CDH13: variants seen among roughly 807,000 people sequenced by gnomAD.
CDH13 encodes cadherin-13.
A neutral mutation model predicts 63.8 loss-of-function variants in CDH13; 24 were observed. The observed-to-expected ratio is 0.38, with a 90% CI of 0.27 to 0.53. The LOEUF is 0.53. Ranked by LOEUF, CDH13 falls within the 20% of genes least tolerant of loss-of-function variation. The probability of loss-of-function intolerance (pLI) is 0.85; values close to 1 mark genes in which losing one functional copy is unlikely to be tolerated. For synonymous variants in CDH13, 503 were observed against 355.3 expected, an observed-to-expected ratio of 1.42 and a Z score of -4.67; for missense variants, 1,049 against 903.1, an observed-to-expected ratio of 1.16 and a Z score of -2.07.
At chr16:82,744,515 C>G (rs767593011) in intron 1 of CDH13, among the ~76,000 whole-genome samples, 6 of 152,134 alleles carry the variant, frequency 3.9e-5, no homozygotes, top group African/African-American at 7.2e-5. Flanking sequence ...TTACTTCTCT[C>G]TTTTCCAGGC....
chr16:82,682,256 G>A (rs1914628098), intron 1 of CDH13, among the ~76,000 whole-genome samples: 1 of 152,082 alleles, frequency 6.6e-6, no homozygotes, highest in Non-Finnish European at 1.5e-5. Context: ...AGATTCCCAG[G>A]CCCCACCCAT....
chr16:83,579,411 C>G (rs765406635), intron 7 of CDH13, among the ~76,000 whole-genome samples: 2 of 152,094 alleles, frequency 1.3e-5, no homozygotes, highest in Admixed American at 6.5e-5. Context: ...CCTCAGGAAA[C>G]TTACAATTAT....
intron 4 of CDH13, among the ~76,000 whole-genome samples, chr16:83,141,912 G>T (rs1327017531): frequency 1.3e-5 from 2 of 152,064 alleles, no homozygotes; most frequent in Non-Finnish European, 2.9e-5. Context: ...AGCTCAACTA[G>T]CAACTCCCCC....
chr16:82,643,071 C>T (rs189545104), intron 1 of CDH13, among the ~76,000 whole-genome samples: 63 of 152,308 alleles, frequency 4.1e-4, no homozygotes, highest in Middle Eastern at 3.4e-3. Flanking sequence ...TGGGGAGTTA[C>T]TGCTAATGGG....
At chr16:82,666,171 C>T (rs1001695791) in intron 1 of CDH13, among the ~76,000 whole-genome samples, 1 of 152,100 alleles carries the variant, frequency 6.6e-6, no homozygotes, top group Non-Finnish European at 1.5e-5. Flanking sequence ...GCTGGGGAAC[C>T]TGTTCAGGGA....
In CDH13 at chr16:82,693,164, G is replaced by C. The variant is rs57037298; in HGVS notation, c.45+66027G>C. 1.6e-4 allele frequency among the ~76,000 whole-genome samples: 25 copies of C among 152,310 alleles called. No individual in the cohort carries two copies. In the East Asian group the frequency reaches 4.6e-3, roughly 28 times the overall value. ...CCAGTTATCATGCCATGGACTTTGA[G>C]ATGAGACCCCAGACCTGGATGATCC... On this transcript the variant is annotated intron_variant, in intron 1 of 13. Coordinates refer to ENST00000567109, the MANE Select transcript of CDH13 (RefSeq NM_001257.5).
chr16:82,896,539 G>T (rs1249027819), intron 2 of CDH13, among the ~76,000 whole-genome samples: 1 of 151,542 alleles, frequency 6.6e-6, no homozygotes, highest in Non-Finnish European at 1.5e-5. Flanking sequence ...CAAGCAATCC[G>T]CCTGCCTTGG....
At chr16:82,688,116 C>G (rs1168028233) in intron 1 of CDH13, among the ~76,000 whole-genome samples, 1 of 152,120 alleles carries the variant, frequency 6.6e-6, no homozygotes, top group Admixed American at 6.5e-5. Context: ...GGGTTTCTGT[C>G]CTGGAATCTC....
intron 2 of CDH13, among the ~76,000 whole-genome samples, chr16:82,936,649 G>C (rs2042676494): frequency 6.6e-6 from 1 of 152,162 alleles, no homozygotes; most frequent in Admixed American, 6.5e-5. Context: ...AGTCCCCCGA[G>C]TGGTGATGCT....
chr16:83,367,866 C>T (rs1265857202), intron 6 of CDH13, among the ~76,000 whole-genome samples: 1 of 152,142 alleles, frequency 6.6e-6, no homozygotes. Context: ...ATCTGTAGAT[C>T]AACTGGAAGA....
chr16:82,819,542 C>G (rs979521606), intron 1 of CDH13, among the ~76,000 whole-genome samples: 5 of 152,102 alleles, frequency 3.3e-5, no homozygotes, highest in Non-Finnish European at 5.9e-5. Flanking sequence ...CTGGGCTACC[C>G]CTCCCTTTCC....
intron 5 of CDH13, among the ~76,000 whole-genome samples, chr16:83,315,554 A>G (rs554777551): frequency 7.2e-5 from 11 of 152,160 alleles, no homozygotes; most frequent in Non-Finnish European, 1.3e-4. Context: ...CTATAGGCAC[A>G]TAGTTCATCA....
At chr16:82,932,445 A>G (rs1308033651) in intron 2 of CDH13, among the ~76,000 whole-genome samples, 1 of 152,172 alleles carries the variant, frequency 6.6e-6, no homozygotes, top group Admixed American at 6.5e-5. Context: ...TAGCTGACCT[A>G]CTAGAGAAAA....
intron 7 of CDH13, among the ~76,000 whole-genome samples, chr16:83,565,077 C>T (rs983141222): frequency 3.3e-5 from 5 of 152,206 alleles, no homozygotes; most frequent in Non-Finnish European, 7.3e-5. Flanking sequence ...TGCATCACTT[C>T]CCTGCCCTAC....
At chr16:83,017,676 A>G (rs1914938705) in intron 2 of CDH13, among the ~76,000 whole-genome samples, 1 of 152,208 alleles carries the variant, frequency 6.6e-6, no homozygotes, top group Admixed American at 6.5e-5. Context: ...ATAGACATCA[A>G]ACATGAAATA....
chr16:83,330,672 G>T (rs949706134), intron 5 of CDH13, among the ~76,000 whole-genome samples: 4 of 152,174 alleles, frequency 2.6e-5, no homozygotes, highest in African/African-American at 9.7e-5. Flanking sequence ...CCAGAGTGTG[G>T]GCCTGGAGCT....
chr16:82,812,662 A>G (rs1020700653), intron 1 of CDH13, among the ~76,000 whole-genome samples: 2 of 152,190 alleles, frequency 1.3e-5, no homozygotes, highest in Non-Finnish European at 2.9e-5. Context: ...TGGGAGGGGA[A>G]GAAATGGAGA....
At chr16:83,687,788 G>T (rs1904458330) in intron 10 of CDH13, among the ~76,000 whole-genome samples, 1 of 152,180 alleles carries the variant, frequency 6.6e-6, no homozygotes, top group African/African-American at 2.4e-5. Context: ...GTCCATGAAA[G>T]TTACATTGAA....
At chr16:83,771,258 A>G (rs1000325841) in intron 11 of CDH13, among the ~76,000 whole-genome samples, 1 of 152,210 alleles carries the variant, frequency 6.6e-6, no homozygotes. Flanking sequence ...GCTAAGTGTA[A>G]GTCATGAGCC....
Sources: allele counts gnomAD v4.1 joint callset (sites outside exome capture counted in the v4.1 genomes callset), GRCh38; gene constraint gnomAD v4.1.1; transcripts MANE v1.5; gene names NCBI Gene and HGNC (gene_info 2026-07-23, HGNC 2026-07-21).